The following PLD1 variants were observed in gnomAD, a reference collection of about 807,000 sequenced individuals.
The protein encoded by PLD1 is choline phosphatase 1.
In PLD1, 112 loss-of-function variants were observed where a neutral mutation model predicts 137.1. The ratio of observed to expected loss-of-function variants is 0.82; its 90% confidence interval spans 0.70 to 0.96. The LOEUF is 0.96. Among genes scored for constraint, PLD1 ranks in the 40% least tolerant of loss-of-function variants. The pLI, the probability that PLD1 is intolerant of heterozygous loss-of-function variation, is 0.00. For missense variants in PLD1, 1,321 were observed against 1,342.0 expected (o/e 0.98, Z 0.24); for synonymous variants, 431 against 454.7 (o/e 0.95, Z 0.66).
intron 24 of PLD1, among the ~76,000 whole-genome samples, chr3:171,617,641 C>A (rs370490249): frequency 1.1e-4 from 17 of 152,086 alleles, no homozygotes; most frequent in Non-Finnish European, 2.1e-4. Flanking sequence ...TGGTTAAAGG[C>A]TAAAATTAAG....
intron 8 of PLD1, among the ~76,000 whole-genome samples, chr3:171,716,860 G>A (rs1717721656): frequency 6.6e-6 from 1 of 152,064 alleles, no homozygotes; most frequent in South Asian, 2.1e-4. Flanking sequence ...GTCTTCCAGG[G>A]TTTTTATAGT....
intron 8 of PLD1, 122 bp downstream of exon 8, chr3:171,724,574 T>C (rs772613217): frequency 8.0e-6 from 5 of 623,162 alleles, no homozygotes; most frequent in Non-Finnish European, 1.4e-5. Flanking sequence ...TTTTAAAATA[T>C]AATTAAAAAT....
At chr3:171,764,942 GAAA>G (rs1276825374) in intron 1 of PLD1, among the ~76,000 whole-genome samples, 725 of 15,328 alleles carry the variant, frequency 0.047, 137 homozygotes, top group Admixed American at 0.066. Context: ...AGGAAAGAAA[GAAA>G]GAAAGAAAGA....
intron 12 of PLD1, 30 bp downstream of exon 12, chr3:171,699,715 T>C (rs750739267): frequency 1.3e-6 from 2 of 1,499,096 alleles, no homozygotes; most frequent in African/African-American, 2.8e-5. Flanking sequence ...GTTAAAAAAT[T>C]ATATCAGCAT....
intron 12 of PLD1, among the ~76,000 whole-genome samples, chr3:171,697,371 G>A (rs536121939): frequency 0.03 from 4,501 of 150,564 alleles, 164 homozygotes; most frequent in African/African-American, 0.089. Context: ...CAGCCTCCCG[G>A]GTAGCTGGGA....
chr3:171,661,632 C>G (rs1201114822), intron 20 of PLD1, among the ~76,000 whole-genome samples: 1 of 152,182 alleles, frequency 6.6e-6, no homozygotes, highest in Non-Finnish European at 1.5e-5. Context: ...TGCACTCTCC[C>G]TACTCCGCCA....
chr3:171,639,848 C>CTCTCTCTCTCTCTCTATATATATATATA (rs3050415), intron 23 of PLD1, among the ~76,000 whole-genome samples: 1 of 110,214 alleles, frequency 9.1e-6, no homozygotes, highest in African/African-American at 3.9e-5. Context: ...CTCTCTCTCT[C>CTCTCTCTCTCTCTCTATATATATATATA]TATATATATA....
intron 6 of PLD1, among the ~76,000 whole-genome samples, chr3:171,733,200 A>G (rs1300836699): frequency 2.0e-5 from 3 of 152,252 alleles, no homozygotes; most frequent in Non-Finnish European, 4.4e-5. Flanking sequence ...GCAGGATTTC[A>G]AGTTCATTTA....
chr3:171,601,649 G>A lies in PLD1; in HGVS notation c.*1429C>T, dbSNP rs1228203854. The A allele has an allele frequency of 6.6e-6, 1 of 152,138 alleles. No homozygotes were observed. The highest frequency in any genetic ancestry group is 1.5e-5 in the Non-Finnish European group (1 of 68,044). 9.4% of individuals were successfully genotyped at this position (152,138 alleles called of 1,614,324 possible). ...CTCCTGTTTAATTTTTCCAACTGAA[G>A]TATTAGCTTTATGAAAACAGGGATC... On this transcript the variant is annotated 3_prime_UTR_variant, in exon 27 of 27. Transcript: ENST00000351298.
chr3:171,754,956 A>G (rs1720915447), intron 1 of PLD1, among the ~76,000 whole-genome samples: 1 of 152,100 alleles, frequency 6.6e-6, no homozygotes, highest in African/African-American at 2.4e-5. Context: ...CAAGGTGTTA[A>G]CTCGCCACCA....
At chr3:171,711,459 G>A (rs1196394657) in intron 9 of PLD1, among the ~76,000 whole-genome samples, 2 of 151,956 alleles carry the variant, frequency 1.3e-5, no homozygotes, top group Non-Finnish European at 2.9e-5. Context: ...GTGAGCCACC[G>A]CACCTGGCCA....
intron 23 of PLD1, among the ~76,000 whole-genome samples, chr3:171,635,268 T>A (rs1735009267): frequency 6.6e-6 from 1 of 152,212 alleles, no homozygotes. Flanking sequence ...TTGTTTTTAA[T>A]ATTTGGGTAA....
At chr3:171,660,446 T>G (rs937321114) in intron 20 of PLD1, among the ~76,000 whole-genome samples, 1 of 152,344 alleles carries the variant, frequency 6.6e-6, no homozygotes, top group Non-Finnish European at 1.5e-5. Context: ...TGTCCTTTAC[T>G]TCTCCTTTTT....
intron 10 of PLD1, 101 bp from the exon 11 acceptor site, chr3:171,708,939 C>T (rs1716921912): frequency 1.5e-6 from 1 of 679,440 alleles, no homozygotes; most frequent in African/African-American, 1.8e-5. Context: ...CCTAGAGTCT[C>T]CACATAACAC....
At chr3:171,608,085 G>A (rs1732349679) in intron 25 of PLD1, among the ~76,000 whole-genome samples, 1 of 152,126 alleles carries the variant, frequency 6.6e-6, no homozygotes, top group Non-Finnish European at 1.5e-5. Flanking sequence ...GTTTGCCATT[G>A]GGGCAAAGTG....
In PLD1 at chr3:171,602,672, G is replaced by C. The variant is rs1021416800; in HGVS notation, c.*406C>G. ...AGTGCCTGTATGAACTGCAAGATGA[G>C]GGCAGGTCCAGCTAGACATTGGCTG... On this transcript the variant is annotated 3_prime_UTR_variant, in exon 27 of 27. Transcript: ENST00000351298. 1 of 207,590 alleles carries C rather than the reference G, an allele frequency of 4.8e-6. No homozygotes were observed. The highest frequency in any genetic ancestry group is 2.3e-5 in the African/African-American group (1 of 42,708). The allele number at this position is 207,590 out of a possible 1,614,324, so 12.9% of individuals were successfully genotyped here.
chr3:171,689,040 A>C (rs960021283), intron 13 of PLD1, among the ~76,000 whole-genome samples, 164 bp from the exon 14 acceptor site: 1 of 151,912 alleles, frequency 6.6e-6, no homozygotes, highest in Non-Finnish European at 1.5e-5. Context: ...CATTTAGCAA[A>C]AAGAAAAAGA....
chr3:171,619,736 C>T (rs1228684906), intron 24 of PLD1, among the ~76,000 whole-genome samples: 1 of 152,092 alleles, frequency 6.6e-6, no homozygotes, highest in Non-Finnish European at 1.5e-5. Context: ...CACACTTTCC[C>T]TCCCCATTTA....
chr3:171,753,726 CATCA>C (rs1720823557), intron 1 of PLD1, among the ~76,000 whole-genome samples: 1 of 152,128 alleles, frequency 6.6e-6, no homozygotes, highest in Non-Finnish European at 1.5e-5. Flanking sequence ...CTCATTATTT[CATCA>C]GTCAACTCCC....
Sources: gnomAD v4.1 joint callset for allele counts (sites outside exome capture counted in the v4.1 genomes callset) on GRCh38, gnomAD v4.1.1 for gene constraint, MANE v1.5 for transcripts, NCBI Gene and HGNC (gene_info 2026-07-23, HGNC 2026-07-21) for gene names.